Variants in ZBTB26 observed in about 807,000 individuals in gnomAD.
ZBTB26 encodes the protein zinc finger and BTB domain containing 26.
Under a neutral mutation model 31.6 loss-of-function variants are expected in ZBTB26, and 12 were observed. The ratio of observed to expected loss-of-function variants is 0.38; its 90% CI spans 0.24 to 0.61. The LOEUF (loss-of-function observed/expected upper bound fraction) is 0.61, where lower values mean the gene tolerates loss of function less well. Among genes scored for constraint, ZBTB26 ranks in the 20% least tolerant of loss-of-function variants. ZBTB26 has a pLI of 0.60. For synonymous variants in ZBTB26, 155 were observed against 182.9 expected (o/e 0.85, Z 1.23); for missense variants, 311 against 521.9 (o/e 0.60, Z 3.94).
intron 1 of ZBTB26, among the ~76,000 whole-genome samples, chr9:122,922,827 T>C (rs1014342318): frequency 2.6e-5 from 4 of 152,158 alleles, no homozygotes; most frequent in African/African-American, 9.7e-5. Flanking sequence ...TGACTGGATA[T>C]AGAGAATGAA....
At chr9:122,929,456 G>C (rs1160978403) in intron 1 of ZBTB26, among the ~76,000 whole-genome samples, 1 of 152,120 alleles carries the variant, frequency 6.6e-6, no homozygotes, top group East Asian at 1.9e-4. Flanking sequence ...TAAAACCATG[G>C]ACTCTGGAGC....
chr9:122,924,028 G>A (rs1391728220), intron 1 of ZBTB26, among the ~76,000 whole-genome samples: 1 of 152,204 alleles, frequency 6.6e-6, no homozygotes, highest in Non-Finnish European at 1.5e-5. Context: ...TGTGTAGTAG[G>A]CTATACCATC....
intron 1 of ZBTB26, among the ~76,000 whole-genome samples, chr9:122,926,740 G>A (rs774579371): frequency 1.3e-5 from 2 of 152,132 alleles, no homozygotes; most frequent in African/African-American, 2.4e-5. Flanking sequence ...TCATATTCCT[G>A]ATTGCATATT....
intron 1 of ZBTB26, among the ~76,000 whole-genome samples, chr9:122,923,989 G>A (rs752151596): frequency 1.3e-5 from 2 of 152,164 alleles, no homozygotes; most frequent in Non-Finnish European, 2.9e-5. Flanking sequence ...TATAACCAAG[G>A]AGCAACAGGC....
In ZBTB26 at chr9:122,919,388, C is replaced by T; in HGVS notation, c.547G>A (p.Val183Ile). 1 of 1,614,190 alleles carries T rather than the reference C, an allele frequency of 6.2e-7. No individual in the cohort carries two copies. Among genetic ancestry groups the T allele is most frequent in the South Asian group, 1.1e-5 (1 of 91,084 alleles). ...ACATCCCCAATAGATTCTACCTTAA[C>T]AATCTGAATATCACTGTCCTCCATA... Reference protein sequence around the residue: ...MDMEDSDIQIVKVESIGDVSE... With the variant: ...MDMEDSDIQIIKVESIGDVSE... The change falls in exon 2 of 2, where the codon GTT becomes ATT. Residue 183 changes from valine (V) to isoleucine (I), a missense_variant. Physicochemically the swap from Val to Ile is conservative, Grantham distance 29. Transcript: ENST00000373656. The surrounding 1 kb of genome is among the most constrained non-coding windows in gnomAD (Gnocchi z 6.1).
Position 122,918,414 on chromosome 9 carries a change from C to G in ZBTB26, c.*195G>C, listed in dbSNP as rs1441555345. ...ACTTTACAAGATAAATAACTCAAAACAGAAAATGGGAGAGGGCAAAAGTAA... is the reference window on the plus strand; with the variant it reads ...ACTTTACAAGATAAATAACTCAAAAGAGAAAATGGGAGAGGGCAAAAGTAA... On this transcript the variant is annotated 3_prime_UTR_variant, in exon 2 of 2. Coordinates refer to ENST00000373656, the MANE Select transcript of ZBTB26 (RefSeq NM_020924.4). 2.7e-5 allele frequency: 18 copies of G among 677,368 alleles called. No individual in the cohort carries two copies. 42.0% of individuals were successfully genotyped at this position (677,368 alleles called of 1,614,324 possible).
chr9:122,928,916 A>T (rs1833225792), intron 1 of ZBTB26, among the ~76,000 whole-genome samples: 1 of 152,232 alleles, frequency 6.6e-6, no homozygotes, highest in Admixed American at 6.5e-5. Context: ...ATCAAGACAG[A>T]ATGGCATGGG....
In ZBTB26 at chr9:122,919,301, G is replaced by T; in HGVS notation, c.634C>A (p.His212Asn). The change falls in exon 2 of 2, where the codon CAT becomes AAT. Residue 212 changes from histidine (H) to asparagine (N), a missense_variant. By Grantham distance (68) the His-to-Asn change is moderately conservative. Around this residue, in one of 5 missense-constraint regions of ZBTB26, gnomAD observed 207 missense variants for 298.6 expected, o/e 0.69. Coordinates refer to ENST00000373656, the MANE Select transcript of ZBTB26 (RefSeq NM_020924.4). This position sits in a 1 kb window ranked among gnomAD's most constrained non-coding sequence, Gnocchi z 6.1. ...QFISSEPTAL[H>N]SSEPQHSLIN... is the part of the protein sequence containing the mutation. ...AGGGAGTGCTGGGGCTCTGATGAATGTAAAGCAGTGGGTTCAGAAGAAATA... is the reference window on the plus strand; with the variant it reads ...AGGGAGTGCTGGGGCTCTGATGAATTTAAAGCAGTGGGTTCAGAAGAAATA... The T allele has an allele frequency of 6.2e-7, 1 of 1,614,186 alleles. No individual in the cohort carries two copies. The highest frequency in any genetic ancestry group is 1.1e-5 in the South Asian group (1 of 91,076).
chr9:122,921,235 G>A (rs1482022846), intron 1 of ZBTB26, among the ~76,000 whole-genome samples: 1 of 152,204 alleles, frequency 6.6e-6, no homozygotes, highest in East Asian at 1.9e-4. Context: ...CTCTCTCAAG[G>A]GAAAAGATAA....
intron 1 of ZBTB26, among the ~76,000 whole-genome samples, chr9:122,926,186 C>T (rs1337122533): frequency 6.6e-6 from 1 of 151,836 alleles, no homozygotes; most frequent in African/African-American, 2.4e-5. Flanking sequence ...TGAGCCACTG[C>T]ACCTGGCTGG....
rs532522633 is a variant in ZBTB26, at chr9:122,926,794, T to C, written c.-11+4643A>G. On this transcript the variant is annotated intron_variant, in intron 1 of 1. Transcript: ENST00000373656. ...TACCTTTCTCATCTATTTTACTTTATATTATTTTCCATCTTTTGTGTATTT... is the reference window on the plus strand; with the variant it reads ...TACCTTTCTCATCTATTTTACTTTACATTATTTTCCATCTTTTGTGTATTT... Among the ~76,000 whole-genome samples the C allele has an allele frequency of 2.0e-5, 3 of 152,376 alleles. No homozygotes were observed. In the South Asian group the frequency reaches 6.2e-4, roughly 32 times the overall value.
At position 122,919,614 on chromosome 9, in the gene ZBTB26, T is replaced by A; in HGVS notation, c.321A>T (p.Ala107=). 6.2e-7 allele frequency: 1 copy of A among 1,614,184 alleles called. No individual in the cohort carries two copies. The highest frequency in any genetic ancestry group is 8.5e-7 in the Non-Finnish European group (1 of 1,180,030). The part of the protein sequence containing the change: ...EMELVNYLTA[A]SFLQMSHIVE... ...CAATGTGGCTCATCTGAAGAAAACT[T>A]GCAGCAGTCAAGTAATTTACCAGTT... Residue 107 remains alanine, a synonymous_variant, in exon 2 of 2, where the codon GCA becomes GCT. Coordinates refer to ENST00000373656, the MANE Select transcript of ZBTB26 (RefSeq NM_020924.4). The surrounding 1 kb of genome is among the most constrained non-coding windows in gnomAD (Gnocchi z 6.1).
intron 1 of ZBTB26, among the ~76,000 whole-genome samples, chr9:122,920,420 T>C (rs1833077857): frequency 6.6e-6 from 1 of 152,204 alleles, no homozygotes; most frequent in South Asian, 2.1e-4. Flanking sequence ...GATTTTCACC[T>C]CTCTGGAATC....
Position 122,918,790 on chromosome 9 carries a change from A to G in ZBTB26, c.1145T>C (p.Phe382Ser). 1 of 1,614,174 alleles carries G rather than the reference A, an allele frequency of 6.2e-7. No homozygotes were observed. The highest frequency in any genetic ancestry group is 8.5e-7 in the Non-Finnish European group (1 of 1,180,022). The change falls in exon 2 of 2, where the codon TTT (phenylalanine) becomes TCT (serine). Residue 382 changes from phenylalanine (F) to serine (S), a missense_variant. Phe to Ser is a radical substitution (Grantham distance 155, BLOSUM62 -2). This residue lies in a region of ZBTB26 where 25 missense variants were observed against 93.0 expected (regional missense o/e 0.27). Coordinates refer to ENST00000373656, the MANE Select transcript of ZBTB26 (RefSeq NM_020924.4). Reference protein sequence around the residue: ...HLKQLHGKNSFDNANERNVQD... With the variant: ...HLKQLHGKNSSDNANERNVQD... ...TACATTTCTCTCATTGGCATTATCAAAGCTGTTTTTGCCATGCAGCTGTTT... is the reference window on the plus strand; with the variant it reads ...TACATTTCTCTCATTGGCATTATCAGAGCTGTTTTTGCCATGCAGCTGTTT...
In ZBTB26 at chr9:122,916,913, A is replaced by G. The variant is rs142671043; in HGVS notation, c.*1696T>C. 5.1e-4 allele frequency: 78 copies of G among 152,338 alleles called. No individual in the cohort carries two copies. In the East Asian group the frequency reaches 0.014, roughly 27 times the overall value. The allele number at this position is 152,338 out of a possible 1,614,324, so 9.4% of individuals were successfully genotyped here. A position where few individuals can be genotyped will look rare whatever the true frequency, so the allele number is the denominator to read the frequency against. On this transcript the variant is annotated 3_prime_UTR_variant, in exon 2 of 2. Coordinates refer to ENST00000373656, the MANE Select transcript of ZBTB26 (RefSeq NM_020924.4). ...TTTTCAAATCTGCATGCACTCTCAT[A>G]GCTCAAAAATAAAAACAGAAAATCC... is the stretch of plus-strand genomic sequence containing the variant.
chr9:122,926,311 G>A (rs922771465), intron 1 of ZBTB26, among the ~76,000 whole-genome samples: 7 of 151,872 alleles, frequency 4.6e-5, no homozygotes, highest in Non-Finnish European at 8.8e-5. Flanking sequence ...TCAGGAGATC[G>A]AGACCACGGT....
At chr9:122,929,851 T>G (rs1162784137) in intron 1 of ZBTB26, among the ~76,000 whole-genome samples, 1 of 152,192 alleles carries the variant, frequency 6.6e-6, no homozygotes, top group Non-Finnish European at 1.5e-5. Context: ...AGTCTCCAGA[T>G]GCTCTGCATG....
intron 1 of ZBTB26, among the ~76,000 whole-genome samples, 196 bp from the exon 2 acceptor site, chr9:122,920,140 C>T (rs191325352): frequency 2.4e-4 from 36 of 152,278 alleles, no homozygotes; most frequent in African/African-American, 7.0e-4. Flanking sequence ...ATATCAAGTG[C>T]CAATTGCACC....
intron 1 of ZBTB26, among the ~76,000 whole-genome samples, chr9:122,930,872 T>G (rs1833266981): frequency 6.6e-6 from 1 of 152,254 alleles, no homozygotes; most frequent in African/African-American, 2.4e-5. Context: ...CATATGTGAC[T>G]GATACATACA....
Sources: allele counts gnomAD v4.1 joint callset (sites outside exome capture counted in the v4.1 genomes callset), GRCh38; gene constraint gnomAD v4.1.1; regional missense constraint gnomAD v4.1.1; non-coding constraint Gnocchi (gnomAD v3.1); transcripts MANE v1.5; gene names NCBI Gene and HGNC (gene_info 2026-07-23, HGNC 2026-07-21).